The following ZNF385A variants were observed in gnomAD, a reference collection of about 807,000 sequenced individuals.
The protein encoded by ZNF385A is zinc finger protein 385A, also known as hematopoietic zinc finger protein.
A neutral mutation model predicts 32.1 loss-of-function variants in ZNF385A; 14 were observed. The observed-to-expected ratio is 0.44, with a 90% confidence interval of 0.29 to 0.68. The LOEUF (loss-of-function observed/expected upper bound fraction) is 0.68, where lower values mean the gene tolerates loss of function less well. ZNF385A is among the 30% of genes least tolerant of loss of function. The pLI, the probability that ZNF385A is intolerant of heterozygous loss-of-function variation, is 0.14. For synonymous variants in ZNF385A, 197 were observed against 202.7 expected (o/e 0.97, Z 0.24); for missense variants, 406 against 478.4 (o/e 0.85, Z 1.41).
chr12:54,370,745 G>A lies in ZNF385A; in HGVS notation c.775-24C>T, dbSNP rs1322656954. On this transcript the variant is annotated intron_variant, in intron 5 of 6. Transcript: ENST00000394313. This position sits in a 1 kb window ranked among gnomAD's most constrained non-coding sequence, Gnocchi z 5.5. Reference sequence around the variant, plus strand: ...TGCTGCGGGGGCCAGTGGATAGGGGGCTGTGAGCTCCCGGAAAGGGGCAAC... The same window carrying A: ...TGCTGCGGGGGCCAGTGGATAGGGGACTGTGAGCTCCCGGAAAGGGGCAAC... 1.3e-6 allele frequency: 2 copies of A among 1,577,364 alleles called. No homozygotes were observed. The highest frequency in any genetic ancestry group is 3.6e-5 in the Admixed American group (2 of 55,204).
intron 1 of ZNF385A, among the ~76,000 whole-genome samples, chr12:54,382,325 C>T (rs1426291871): frequency 4.6e-5 from 7 of 152,008 alleles, no homozygotes; most frequent in Non-Finnish European, 7.4e-5. Context: ...CCGCCTGCCT[C>T]GGCCTCCCAA....
At chr12:54,383,328 C>T (rs1390172787) in intron 1 of ZNF385A, among the ~76,000 whole-genome samples, 2 of 152,160 alleles carry the variant, frequency 1.3e-5, no homozygotes, top group Admixed American at 1.3e-4. Context: ...TCATCCTTGA[C>T]TCATGCCTTC....
chr12:54,378,793 G>C (rs946957066), intron 1 of ZNF385A, among the ~76,000 whole-genome samples: 2 of 152,112 alleles, frequency 1.3e-5, no homozygotes, highest in Non-Finnish European at 1.5e-5. Context: ...TGGAGGGCAG[G>C]TGTAGGACCT....
Position 54,370,555 on chromosome 12 carries a change from C to T in ZNF385A, c.871-69G>A. 7.7e-6 allele frequency: 12 copies of T among 1,551,808 alleles called. No individual in the cohort carries two copies. The South Asian group carries it at 1.4e-4, about 18-fold the overall frequency. ...CCTGCAAACCCCACCTCTCCCTGGGCAAAGCCCGCGTCCCTCTCTCCTCCC... is the reference window on the plus strand; with the variant it reads ...CCTGCAAACCCCACCTCTCCCTGGGTAAAGCCCGCGTCCCTCTCTCCTCCC... On this transcript the variant is annotated intron_variant, in intron 6 of 6. Coordinates refer to ENST00000394313, the MANE Select transcript of ZNF385A (RefSeq NM_015481.3). The surrounding 1 kb of genome is among the most constrained non-coding windows in gnomAD (Gnocchi z 5.5).
chr12:54,372,325 A>G (rs371238662), intron 3 of ZNF385A, among the ~76,000 whole-genome samples: 3 of 152,164 alleles, frequency 2.0e-5, no homozygotes, highest in African/African-American at 7.2e-5. Flanking sequence ...TAGCGCTCCC[A>G]TTCTTGCTCC....
At chr12:54,374,186 C>G (rs761694894) in intron 2 of ZNF385A, 51 bp from the exon 3 acceptor site, 2 of 1,373,616 alleles carry the variant, frequency 1.5e-6, no homozygotes, top group Non-Finnish European at 1.9e-6. Context: ...TTCATCTGAC[C>G]GATCTCCCCA....
In ZNF385A at chr12:54,372,000, A is replaced by G. The variant is rs568136872; in HGVS notation, c.362-285T>C. On this transcript the variant is annotated intron_variant, in intron 3 of 6. Transcript: ENST00000394313. ...GGTGAAGCTGGCAGCCAGCCCAGCC[A>G]GGGGGAGAGGCATGCAACAAGGATA... is the stretch of plus-strand genomic sequence containing the variant. Among the ~76,000 whole-genome samples the G allele has an allele frequency of 3.9e-5, 6 of 152,154 alleles. No individual in the cohort carries two copies. In the South Asian group the frequency reaches 1.0e-3, roughly 26 times the overall value.
chr12:54,374,144 A>T lies in ZNF385A; in HGVS notation c.199-9T>A, dbSNP rs769821908. On this transcript the variant is annotated splice_polypyrimidine_tract_variant and intron_variant, in intron 2 of 6. Coordinates refer to ENST00000394313, the MANE Select transcript of ZNF385A (RefSeq NM_015481.3). ...TGCGCCTCAGCCTGGCTCTTTAGGG[A>T]TGGAGGAAGAAAATGGAATCTGAGA... 2 of 1,488,654 alleles carry T rather than the reference A, an allele frequency of 1.3e-6. No individual in the cohort carries two copies. Among genetic ancestry groups the T allele is most frequent in the African/African-American group, 2.8e-5 (2 of 71,186 alleles). The allele number at this position is 1,488,654 out of a possible 1,614,324, so 92.2% of individuals were successfully genotyped here.
chr12:54,375,798 T>C (rs376574982), intron 2 of ZNF385A, 46 bp downstream of exon 2: 9 of 1,556,928 alleles, frequency 5.8e-6, no homozygotes, highest in Non-Finnish European at 8.0e-6. Flanking sequence ...GTTCCCCTGC[T>C]GCCCCTGCCC....
At chr12:54,387,436 G>A (rs749556886), upstream of ZNF385A, among the ~76,000 whole-genome samples, 2 of 152,182 alleles carry the variant, frequency 1.3e-5, no homozygotes, top group East Asian at 1.9e-4. Context: ...CTTTTGGGCC[G>A]GGTGGGCAGA....
rs144166571 is a variant in ZNF385A at position 54,370,319 on chromosome 12, C to A, written c.1038G>T (p.Leu346=). ...GGATGGGTCCGGGGGCCGGGTGAAG[C>A]AGAGGGTGAGTGATCGGCGGTCCCT... The part of the protein sequence containing the change: ...LLQGPPITHP[L]LHPAPGPIRT... Residue 346 remains leucine (L), a synonymous_variant, in exon 7 of 7, where the codon CTG becomes CTT. Coordinates refer to ENST00000394313, the MANE Select transcript of ZNF385A (RefSeq NM_015481.3). The surrounding 1 kb of genome is among the most constrained non-coding windows in gnomAD (Gnocchi z 5.5). 8 of 1,494,494 alleles carry A rather than the reference C, an allele frequency of 5.4e-6. No homozygotes were observed. Among genetic ancestry groups the A allele is most frequent in the Non-Finnish European group, 7.1e-6 (8 of 1,121,448 alleles). 92.6% of individuals were successfully genotyped at this position (1,494,494 alleles called of 1,614,324 possible). A position where few individuals can be genotyped will look rare whatever the true frequency, so the allele number is the denominator to read the frequency against.
chr12:54,390,184 C>T (rs1333258380), intron 1 of ZNF385A, among the ~76,000 whole-genome samples: 1 of 152,004 alleles, frequency 6.6e-6, no homozygotes, highest in African/African-American at 2.4e-5. Flanking sequence ...GGTTGGGGGG[C>T]TCCCATCATA....
chr12:54,383,052 C>G (rs1955282322), intron 1 of ZNF385A, among the ~76,000 whole-genome samples: 1 of 151,946 alleles, frequency 6.6e-6, no homozygotes, highest in African/African-American at 2.4e-5. Flanking sequence ...ATCCCAGCTA[C>G]TGAGGAGGGT....
At chr12:54,378,844 G>A (rs1954976296) in intron 1 of ZNF385A, among the ~76,000 whole-genome samples, 1 of 152,138 alleles carries the variant, frequency 6.6e-6, no homozygotes, top group African/African-American at 2.4e-5. Context: ...AAGAATGTGG[G>A]AAGCAGAGGT....
chr12:54,373,597 G>A (rs1355458840), intron 3 of ZNF385A, among the ~76,000 whole-genome samples: 1 of 152,122 alleles, frequency 6.6e-6, no homozygotes, highest in African/African-American at 2.4e-5. Context: ...GGGAGCCCCA[G>A]TAGGGCAGGA....
At position 54,370,143 on chromosome 12, in the gene ZNF385A, G is replaced by A. The variant is rs944135357; in HGVS notation, c.*113C>T. 2.5e-6 allele frequency: 2 copies of A among 795,638 alleles called. No individual in the cohort carries two copies. Among genetic ancestry groups the A allele is most frequent in the Non-Finnish European group, 1.8e-6 (1 of 558,834 alleles). The allele number at this position is 795,638 out of a possible 1,614,324, so 49.3% of individuals were successfully genotyped here. ...GGAACCCCGTATCTCGGGGTGGGGG[G>A]GGGGAAGGAGAGATCATTTAGGGAG... On this transcript the variant is annotated 3_prime_UTR_variant, in exon 7 of 7. Coordinates refer to ENST00000394313, the MANE Select transcript of ZNF385A (RefSeq NM_015481.3). This position sits in a 1 kb window ranked among gnomAD's most constrained non-coding sequence, Gnocchi z 5.5.
chr12:54,384,518 CG>C lies in ZNF385A; in HGVS notation c.-5del, dbSNP rs1955366292. 2 of 1,523,492 alleles carry C rather than the reference CG, an allele frequency of 1.3e-6. No homozygotes were observed. Among genetic ancestry groups the C allele is most frequent in the Non-Finnish European group, 8.8e-7 (1 of 1,138,982 alleles). 94.4% of individuals were successfully genotyped at this position (1,523,492 alleles called of 1,614,324 possible). The stretch of plus-strand genomic sequence containing the variant: ...TGAGGTCCAGTGGGGGCTGCATGAT[CG>C]GGGGCTGCCGTAGCAGAGGCAGGGG... On this transcript the variant is annotated 5_prime_UTR_variant, in exon 1 of 7. Transcript: ENST00000394313.
At chr12:54,387,586 C>T (rs191774417), upstream of ZNF385A, among the ~76,000 whole-genome samples, 49 of 152,272 alleles carry the variant, frequency 3.2e-4, no homozygotes, top group Admixed American at 7.8e-4. Context: ...GGTGGTCCCA[C>T]CACTCACTAG....
chr12:54,388,753 T>C (rs1955559711), upstream of ZNF385A, among the ~76,000 whole-genome samples: 1 of 152,170 alleles, frequency 6.6e-6, no homozygotes, highest in Admixed American at 6.5e-5. Flanking sequence ...TCAGGCCTTT[T>C]GGCCTTTCCT....
Sources: gnomAD v4.1 joint callset for allele counts (sites outside exome capture counted in the v4.1 genomes callset) on GRCh38, gnomAD v4.1.1 for gene constraint, Gnocchi (gnomAD v3.1) non-coding constraint, MANE v1.5 for transcripts, NCBI Gene and HGNC (gene_info 2026-07-23, HGNC 2026-07-21) for gene names.